The following ZNF594 variants were observed in gnomAD, a reference collection of about 807,000 sequenced individuals.
The protein encoded by ZNF594 is zinc finger protein HZF18.
For missense variants in ZNF594, 1,037 were observed against 964.6 expected, an observed-to-expected ratio of 1.08 and a Z score of -0.99; for synonymous variants, 336 against 309.4, an observed-to-expected ratio of 1.09 and a Z score of -0.90.
chr17:5,190,581 A>G (rs1763345588), intron 1 of ZNF594, among the ~76,000 whole-genome samples: 1 of 152,222 alleles, frequency 6.6e-6, no homozygotes, highest in South Asian at 2.1e-4. Flanking sequence ...CAAAGAATCT[A>G]TGCCTAGAGG....
At chr17:5,175,604 A>AGGT (rs986542752), downstream of ZNF594, among the ~76,000 whole-genome samples, 2 of 152,204 alleles carry the variant, frequency 1.3e-5, no homozygotes, top group Non-Finnish European at 2.9e-5. Flanking sequence ...AGTAGAGAGC[A>AGGT]GGTGGTAAAC....
rs1291331542 is a variant in ZNF594, at chr17:5,181,194, C to A, written c.*639G>T. ...ACGATGGTGTCTAATAAGATCTGAGCTGCCCCTAAAAGATTTCCCACATTT... is the reference window on the plus strand; with the variant it reads ...ACGATGGTGTCTAATAAGATCTGAGATGCCCCTAAAAGATTTCCCACATTT... On this transcript the variant is annotated 3_prime_UTR_variant, in exon 2 of 2. Transcript: ENST00000575779. 3 of 1,611,124 alleles carry A rather than the reference C, an allele frequency of 1.9e-6. No individual in the cohort carries two copies. The highest frequency in any genetic ancestry group is 2.5e-6 in the Non-Finnish European group (3 of 1,177,468).
rs893351770 is a variant in ZNF594, at chr17:5,183,487, T to G, written c.770A>C (p.His257Pro). Residue 257 changes from histidine to proline, a missense_variant, in exon 2 of 2, where the codon CAT becomes CCT. Transcript: ENST00000575779. ...AFSQSTDLII[H>P]HRIHTGEKPY... ...TTTCTCTCCAGTGTGAATTCTGTGA[T>G]GTATAATAAGATCTGTGCTTTGACT... 1.1e-5 allele frequency: 17 copies of G among 1,614,206 alleles called. No individual in the cohort carries two copies. The highest frequency in any genetic ancestry group is 1.4e-5 in the Non-Finnish European group (17 of 1,180,030).
rs1450002211 is a variant in ZNF594, at chr17:5,184,106, G to T, written c.151C>A (p.Pro51Thr). Residue 51 changes from proline (P) to threonine (T), a missense_variant, in exon 2 of 2, where the codon CCT becomes ACT. Physicochemically the swap from Pro to Thr is conservative, Grantham distance 38. Coordinates refer to ENST00000575779, the MANE Select transcript of ZNF594 (RefSeq NM_032530.2). ...EDRLLKHWVS[P>T]LKDAMRHLPS... ...AGATGTCTCATTGCATCCTTTAAAG[G>T]GCTTACCCAGTGCTTCAATAATCTG... 1 of 1,614,086 alleles carries T rather than the reference G, an allele frequency of 6.2e-7. No individual in the cohort carries two copies. Among genetic ancestry groups the T allele is most frequent in the South Asian group, 1.1e-5 (1 of 91,072 alleles).
chr17:5,188,474 C>T (rs1003541380), intron 1 of ZNF594, among the ~76,000 whole-genome samples: 4 of 151,968 alleles, frequency 2.6e-5, no homozygotes, highest in African/African-American at 9.7e-5. Flanking sequence ...GAGCCTGCTT[C>T]ATTCATTATT....
the ZNF594 span, chr17:5,174,381 C>T: frequency 5.2e-6 from 1 of 190,486 alleles, no homozygotes; most frequent in South Asian, 1.9e-4. Flanking sequence ...GTAGTAATTA[C>T]CAATGTAACT....
chr17:5,178,732 G>A (rs189483062), downstream of ZNF594, among the ~76,000 whole-genome samples: 48 of 152,174 alleles, frequency 3.2e-4, no homozygotes, highest in Middle Eastern at 3.4e-3. Context: ...TGATGCCTAT[G>A]AATATGTGAA....
chr17:5,181,431 C>T lies in ZNF594; in HGVS notation c.*402G>A, dbSNP rs749098444. ...CTCTTCTTGGTGAATTTTCTGCTCT[C>T]CCCTAAGCTCCTCATCCTTGCTGAA... On this transcript the variant is annotated 3_prime_UTR_variant, in exon 2 of 2. Coordinates refer to ENST00000575779, the MANE Select transcript of ZNF594 (RefSeq NM_032530.2). 9.3e-6 allele frequency: 15 copies of T among 1,613,566 alleles called. No individual in the cohort carries two copies. Among genetic ancestry groups the T allele is most frequent in the Middle Eastern group, 1.6e-4 (1 of 6,082 alleles).
At chr17:5,188,576 T>C (rs2074401554) in intron 1 of ZNF594, among the ~76,000 whole-genome samples, 1 of 152,020 alleles carries the variant, frequency 6.6e-6, no homozygotes, top group South Asian at 2.1e-4. Context: ...GAAAGGAACA[T>C]CAGCAACAGA....
Position 5,182,957 on chromosome 17 carries a change from A to G in ZNF594, c.1300T>C (p.Cys434Arg). The change falls in exon 2 of 2, where the codon TGT becomes CGT. Residue 434 changes from cysteine (C) to arginine (R), a missense_variant. Coordinates refer to ENST00000575779, the MANE Select transcript of ZNF594 (RefSeq NM_032530.2). ...CTAAAAGATTTCCCACATTTGCTAC[A>G]TACACAAGGTTTTTCTCCACTGTGA... ...RIHSGEKPCV[C>R]SKCGKSFRGS... 1.2e-6 allele frequency: 2 copies of G among 1,614,080 alleles called. No individual in the cohort carries two copies. The highest frequency in any genetic ancestry group is 8.5e-7 in the Non-Finnish European group (1 of 1,180,022).
chr17:5,183,258 A>G lies in ZNF594; in HGVS notation c.999T>C (p.Ser333=). Residue 333 remains serine, a synonymous_variant, in exon 2 of 2, where the codon AGT becomes AGC. Coordinates refer to ENST00000575779, the MANE Select transcript of ZNF594 (RefSeq NM_032530.2). ...YECHRCGKTF[S]GRTAFLKHQR... is the part of the protein sequence containing the mutation. ...GATGTTTAAGAAAAGCTGTGCGCCC[A>G]CTGAAGGTCTTCCCACATCTGTGAC... is the stretch of plus-strand genomic sequence containing the variant. The G allele has an allele frequency of 6.2e-7, 1 of 1,613,948 alleles. No homozygotes were observed. Among genetic ancestry groups the G allele is most frequent in the Non-Finnish European group, 8.5e-7 (1 of 1,179,976 alleles).
At chr17:5,178,736 A>G (rs2074320583), downstream of ZNF594, among the ~76,000 whole-genome samples, 1 of 152,208 alleles carries the variant, frequency 6.6e-6, no homozygotes, top group South Asian at 2.1e-4. Context: ...GCCTATGAAT[A>G]TGTGAATTAA....
rs760030583 is a variant in ZNF594 at position 5,182,098 on chromosome 17, T to C, written c.2159A>G (p.His720Arg). The change falls in exon 2 of 2, where the codon CAC becomes CGC. Residue 720 changes from histidine to arginine, a missense_variant. Coordinates refer to ENST00000575779, the MANE Select transcript of ZNF594 (RefSeq NM_032530.2). ...TCTCTGATGTTTGAGGAAAGCCGTG[T>C]GCCACATGAAGAGTTTCCCACATTC... ...CKECGKLFMW[H>R]TAFLKHQRLH... 3.0e-5 allele frequency: 48 copies of C among 1,613,480 alleles called. 1 individual carries two copies. The Middle Eastern group carries it at 6.6e-4, about 22-fold the overall frequency.
chr17:5,187,898 T>A (rs1252337696), intron 1 of ZNF594, among the ~76,000 whole-genome samples: 2 of 150,602 alleles, frequency 1.3e-5, no homozygotes, highest in Non-Finnish European at 3.0e-5. Context: ...TTTTTTTTTT[T>A]TTTTTTTAGA....
chr17:5,182,152 T>C lies in ZNF594; in HGVS notation c.2105A>G (p.His702Arg). 1 of 1,613,598 alleles carries C rather than the reference T, an allele frequency of 6.2e-7. No individual in the cohort carries two copies. Among genetic ancestry groups the C allele is most frequent in the Non-Finnish European group, 8.5e-7 (1 of 1,179,990 alleles). Residue 702 changes from histidine (H) to arginine (R), a missense_variant, in exon 2 of 2, where the codon CAT (histidine) becomes CGT (arginine). His to Arg is a conservative substitution (Grantham distance 29). Coordinates refer to ENST00000575779, the MANE Select transcript of ZNF594 (RefSeq NM_032530.2). ...RSLLIQHRRL[H>R]SGEKPYECKE... ...ACATTCATAGGGTTTCTCACCACTA[T>C]GAAGTCTCCGATGTTGAATAAGGAG...
At chr17:5,184,999 T>C (rs73333413) in intron 1 of ZNF594, among the ~76,000 whole-genome samples, 9,587 of 152,314 alleles carry the variant, frequency 0.063, 1,021 homozygotes, top group African/African-American at 0.22. Context: ...CGTTTGGCTG[T>C]CATTTCAATA....
chr17:5,179,860 A>G lies in ZNF594; in HGVS notation c.*1973T>C, dbSNP rs1001137032. On this transcript the variant is annotated 3_prime_UTR_variant, in exon 2 of 2. Transcript: ENST00000575779. ...TGTTGTACATGCCTTTATGTAGCAA[A>G]ATATAATTCTTTAATAAATGCAGTT... 5.3e-5 allele frequency: 8 copies of G among 152,068 alleles called. No individual in the cohort carries two copies. In the East Asian group the frequency reaches 1.4e-3, roughly 26 times the overall value. The allele number at this position is 152,068 out of a possible 1,614,324, so 9.4% of individuals were successfully genotyped here.
At chr17:5,185,790 G>C (rs772568575) in intron 1 of ZNF594, among the ~76,000 whole-genome samples, 1 of 152,130 alleles carries the variant, frequency 6.6e-6, no homozygotes, top group Non-Finnish European at 1.5e-5. Flanking sequence ...AAACAAAGGG[G>C]TTACAGGGCC....
chr17:5,175,963 C>A (rs986448108), downstream of ZNF594, among the ~76,000 whole-genome samples: 1 of 152,168 alleles, frequency 6.6e-6, no homozygotes, highest in Non-Finnish European at 1.5e-5. Context: ...CTCAATCCAA[C>A]GATATTCAAT....
Sources: gnomAD v4.1 joint callset for allele counts (sites outside exome capture counted in the v4.1 genomes callset) on GRCh38, gnomAD v4.1.1 for gene constraint, MANE v1.5 for transcripts, NCBI Gene and HGNC (gene_info 2026-07-23, HGNC 2026-07-21) for gene names.